Variants in TDP1 observed in about 807,000 individuals in gnomAD.
The protein encoded by TDP1 is tyrosyl-DNA phosphodiesterase 1, also known as tyr-DNA phosphodiesterase 1.
Under a neutral mutation model 81.5 loss-of-function variants are expected in TDP1, and 64 were observed. The observed-to-expected ratio is 0.79, with a 90% CI of 0.64 to 0.97. The LOEUF is 0.97. Among genes scored for constraint, TDP1 ranks in the 50% least tolerant of loss-of-function variants. The pLI is 0.00. For missense variants in TDP1, 723 were observed against 743.8 expected (o/e 0.97, Z 0.33); for synonymous variants, 256 against 264.3 (o/e 0.97, Z 0.30).
chr14:89,963,106 A>C lies in TDP1; in HGVS notation c.-7-2A>C, dbSNP rs370532651. The stretch of plus-strand genomic sequence containing the variant: ...GCTGATGTTTCCACTTTTCATTTCC[A>C]GGAGTATAATGTCTCAGGAAGGCGA... On this transcript the variant is annotated splice_acceptor_variant, in intron 2 of 16. Transcript: ENST00000335725. LOFTEE classifies it low-confidence loss of function (5UTR_SPLICE). 6.2e-7 allele frequency: 1 copy of C among 1,614,088 alleles called. No homozygotes were observed. Among genetic ancestry groups the C allele is most frequent in the Non-Finnish European group, 8.5e-7 (1 of 1,179,996 alleles).
chr14:89,957,189 TC>T (rs1891759994), intron 2 of TDP1: 1 of 152,204 alleles, frequency 6.6e-6, no homozygotes. Flanking sequence ...CCCCTATTTT[TC>T]TGTCTCATAC....
intron 16 of TDP1, among the ~76,000 whole-genome samples, chr14:90,041,732 G>A (rs1888379451): frequency 6.6e-6 from 1 of 152,162 alleles, no homozygotes; most frequent in Non-Finnish European, 1.5e-5. Context: ...ACAATAATAT[G>A]GGGAGTTATT....
intron 14 of TDP1, among the ~76,000 whole-genome samples, chr14:90,004,879 CA>C (rs1666464706): frequency 6.6e-6 from 1 of 152,184 alleles, no homozygotes. Context: ...AGCTGATCAA[CA>C]GCCCCAAGGA....
chr14:89,977,976 A>G (rs1894546361), intron 7 of TDP1, among the ~76,000 whole-genome samples: 1 of 152,220 alleles, frequency 6.6e-6, no homozygotes, highest in African/African-American at 2.4e-5. Context: ...CCAAGAATCG[A>G]TAGAGGGGAA....
intron 14 of TDP1, among the ~76,000 whole-genome samples, chr14:90,015,859 G>T (rs2140245597): frequency 6.6e-6 from 1 of 152,204 alleles, no homozygotes; most frequent in East Asian, 1.9e-4. Flanking sequence ...CACATTGGGG[G>T]TTAGGATTTC....
rs1309761399 is a variant in TDP1 at position 90,044,374 on chromosome 14, G to A, written c.*1231G>A. The A allele has an allele frequency of 6.6e-6, 1 of 152,232 alleles. No homozygotes were observed. The highest frequency in any genetic ancestry group is 1.5e-5 in the Non-Finnish European group (1 of 68,050). 9.4% of individuals were successfully genotyped at this position (152,232 alleles called of 1,614,324 possible). A position where few individuals can be genotyped will look rare whatever the true frequency, so the allele number is the denominator to read the frequency against. Reference sequence around the variant, plus strand: ...CAGAGCTTGAGTGTCTTTGTGCTTTGTGTACATTGTGTTCTCCCTAGGGTG... The same window carrying A: ...CAGAGCTTGAGTGTCTTTGTGCTTTATGTACATTGTGTTCTCCCTAGGGTG... On this transcript the variant is annotated 3_prime_UTR_variant, in exon 17 of 17. Transcript: ENST00000335725.
intron 15 of TDP1, among the ~76,000 whole-genome samples, chr14:90,021,938 G>A (rs1886137355): frequency 6.6e-6 from 1 of 152,220 alleles, no homozygotes; most frequent in South Asian, 2.1e-4. Flanking sequence ...CATGACCCTG[G>A]TGAGGCCCCA....
At chr14:89,963,850 TAACTC>T (rs1356621085) in intron 3 of TDP1, among the ~76,000 whole-genome samples, 177 bp downstream of exon 3, 4 of 152,250 alleles carry the variant, frequency 2.6e-5, no homozygotes, top group Admixed American at 1.3e-4. Flanking sequence ...ACTGTTTACT[TAACTC>T]AGGCAGAGCG....
At chr14:89,978,499 C>A (rs117491756) in intron 7 of TDP1, among the ~76,000 whole-genome samples, 1 of 152,324 alleles carries the variant, frequency 6.6e-6, no homozygotes, top group Non-Finnish European at 1.5e-5. Context: ...CCTTTTGCTG[C>A]CTCACAGCTT....
chr14:89,965,001 T>C (rs1892772296), intron 3 of TDP1: 1 of 227,932 alleles, frequency 4.4e-6, no homozygotes, highest in South Asian at 4.5e-5. Flanking sequence ...TGTGCCATAA[T>C]TGTAGATGGC....
rs552665538 is a variant in TDP1 at position 89,971,116 on chromosome 14, G to A, written c.660-59G>A. On this transcript the variant is annotated intron_variant, in intron 5 of 16. Transcript: ENST00000335725. The stretch of plus-strand genomic sequence containing the variant: ...CTCCCAAGGTGCCGGGATTACAGGT[G>A]TGAGCCACTGAGCCTGGCCATGAAT... 4.1e-6 allele frequency: 6 copies of A among 1,464,328 alleles called. No individual in the cohort carries two copies. The East Asian group carries it at 9.1e-5, about 22-fold the overall frequency. The allele number at this position is 1,464,328 out of a possible 1,614,324, so 90.7% of individuals were successfully genotyped here. A position where few individuals can be genotyped will look rare whatever the true frequency, so the allele number is the denominator to read the frequency against.
At chr14:90,007,115 T>TTCTTTTTC (rs1260939963) in intron 14 of TDP1, among the ~76,000 whole-genome samples, 1 of 152,228 alleles carries the variant, frequency 6.6e-6, no homozygotes, top group Admixed American at 6.5e-5. Context: ...CATTTCTTTG[T>TTCTTTTTC]TCTTTTTCTT....
chr14:89,973,571 T>C (rs1205219116), intron 6 of TDP1, among the ~76,000 whole-genome samples: 1 of 152,164 alleles, frequency 6.6e-6, no homozygotes, highest in Non-Finnish European at 1.5e-5. Flanking sequence ...TCTAGCAACG[T>C]GAGTCATTGA....
chr14:90,024,896 C>T (rs1886477340), intron 15 of TDP1, among the ~76,000 whole-genome samples: 2 of 152,108 alleles, frequency 1.3e-5, no homozygotes, highest in Non-Finnish European at 2.9e-5. Flanking sequence ...TCATGTTTGC[C>T]AAATAGACTT....
intron 15 of TDP1, chr14:90,023,095 T>G: frequency 1.3e-6 from 1 of 761,248 alleles, no homozygotes; most frequent in East Asian, 2.4e-5. Flanking sequence ...ATGGATAAGC[T>G]GAGGAAACAG....
intron 16 of TDP1, 135 bp downstream of exon 16, chr14:90,033,349 TGCC>T: frequency 4.2e-6 from 3 of 706,242 alleles, no homozygotes; most frequent in Non-Finnish European, 7.8e-6. Context: ...GAGGGCCCTT[TGCC>T]AGCCTGTCTG....
intron 16 of TDP1, among the ~76,000 whole-genome samples, chr14:90,037,487 A>T (rs2140340127): frequency 6.6e-6 from 1 of 152,342 alleles, no homozygotes; most frequent in South Asian, 2.1e-4. Context: ...AAAAATACAC[A>T]TATGAGTACT....
chr14:89,967,550 GACATTAA>G, intron 5 of TDP1, 128 bp downstream of exon 5: 1 of 797,270 alleles, frequency 1.3e-6, no homozygotes, highest in Non-Finnish European at 2.2e-6. Context: ...AAATCACACA[GACATTAA>G]GTTATATCCG....
intron 3 of TDP1, among the ~76,000 whole-genome samples, chr14:89,964,691 G>A (rs1892726986): frequency 1.3e-5 from 2 of 152,010 alleles, no homozygotes; most frequent in African/African-American, 4.8e-5. Flanking sequence ...TCTTATCTTG[G>A]TACTTTGTCA....
Sources: gnomAD v4.1 joint callset for allele counts (sites outside exome capture counted in the v4.1 genomes callset) on GRCh38, gnomAD v4.1.1 for gene constraint, MANE v1.5 for transcripts, NCBI Gene and HGNC (gene_info 2026-07-23, HGNC 2026-07-21) for gene names.